Variants in RASGRP3 observed in about 807,000 individuals in gnomAD.
RASGRP3 encodes the protein ras guanyl-releasing protein 3.
RASGRP3 carries 54 observed loss-of-function variants against 82.7 expected under a neutral mutation model. The observed-to-expected ratio is 0.65, with a 90% CI of 0.52 to 0.82. The LOEUF (loss-of-function observed/expected upper bound fraction) is 0.82, where lower values mean the gene tolerates loss of function less well. Ranked by LOEUF, RASGRP3 falls within the 40% of genes least tolerant of loss-of-function variation. The pLI is 0.00. For missense variants in RASGRP3, 861 were observed against 828.9 expected, an observed-to-expected ratio of 1.04 and a Z score of -0.48; for synonymous variants, 309 against 300.5, an observed-to-expected ratio of 1.03 and a Z score of -0.29.
intron 2 of RASGRP3, among the ~76,000 whole-genome samples, chr2:33,453,489 A>T (rs1360901363): frequency 6.6e-6 from 1 of 152,200 alleles, no homozygotes; most frequent in East Asian, 1.9e-4. Flanking sequence ...CTGTTAGCTG[A>T]GACTTCAGTT....
chr2:33,456,542 C>A (rs1666046436), intron 2 of RASGRP3, among the ~76,000 whole-genome samples: 1 of 152,226 alleles, frequency 6.6e-6, no homozygotes, highest in East Asian at 1.9e-4. Flanking sequence ...ACCTTAGGAA[C>A]TTTAAATTCT....
At chr2:33,525,536 GA>G (rs1672460397) in intron 9 of RASGRP3, among the ~76,000 whole-genome samples, 1 of 151,206 alleles carries the variant, frequency 6.6e-6, no homozygotes, top group Non-Finnish European at 1.5e-5. Context: ...AAAAGAAAAA[GA>G]AAAAAACTTC....
At chr2:33,453,615 T>C (rs1302948427) in intron 2 of RASGRP3, among the ~76,000 whole-genome samples, 1 of 152,218 alleles carries the variant, frequency 6.6e-6, no homozygotes, top group Non-Finnish European at 1.5e-5. Context: ...GCAAGGTTTT[T>C]TATGACCTTG....
rs1476895040 is a variant in RASGRP3 at position 33,522,105 on chromosome 2, A to G, written c.516+3A>G. 1.3e-6 allele frequency: 2 copies of G among 1,598,260 alleles called. No homozygotes were observed. Among genetic ancestry groups the G allele is most frequent in the Non-Finnish European group, 8.5e-7 (1 of 1,175,734 alleles). ...ATAAATCTTTTAGAAGGATCTCAGTAAGAAACTTGACATTTATTCTTCCAA... is the reference window on the plus strand; with the variant it reads ...ATAAATCTTTTAGAAGGATCTCAGTGAGAAACTTGACATTTATTCTTCCAA... On this transcript the variant is annotated splice_donor_region_variant and intron_variant, in intron 7 of 17. Coordinates refer to ENST00000403687, the MANE Select transcript of RASGRP3 (RefSeq NM_001139488.2).
At chr2:33,524,169 T>C in intron 8 of RASGRP3, 117 bp downstream of exon 8, 1 of 1,193,340 alleles carries the variant, frequency 8.4e-7, no homozygotes, top group African/African-American at 1.5e-5. Context: ...ACTAAACTAC[T>C]CGCTGATATC....
Position 33,524,437 on chromosome 2 carries a change from C to A in RASGRP3, c.696C>A (p.Leu232=). The A allele has an allele frequency of 5.0e-6, 8 of 1,584,424 alleles. No individual in the cohort carries two copies. The highest frequency in any genetic ancestry group is 6.0e-6 in the Non-Finnish European group (7 of 1,164,708). Residue 232 remains leucine, a synonymous_variant, in exon 9 of 18, where the codon CTC becomes CTA. Coordinates refer to ENST00000403687, the MANE Select transcript of RASGRP3 (RefSeq NM_001139488.2). The stretch of plus-strand genomic sequence containing the variant: ...TTGATGCATTTTTATTGCAGAAGCT[C>A]CTTCAGCTCAAAAATTTTAACACCC... ...ITKFINVAKK[L]LQLKNFNTLM... is the part of the protein sequence containing the mutation.
At chr2:33,453,606 C>T (rs1574234617) in intron 2 of RASGRP3, among the ~76,000 whole-genome samples, 1 of 152,110 alleles carries the variant, frequency 6.6e-6, no homozygotes, top group South Asian at 2.1e-4. Context: ...ATGAAAGATG[C>T]AAGGTTTTTT....
chr2:33,516,096 T>C (rs1671435528), intron 3 of RASGRP3, among the ~76,000 whole-genome samples: 2 of 152,304 alleles, frequency 1.3e-5, no homozygotes, highest in Admixed American at 1.3e-4. Context: ...AAGGAAATAC[T>C]AGCCGAAGTA....
At chr2:33,453,082 C>T (rs1395934020) in intron 2 of RASGRP3, among the ~76,000 whole-genome samples, 1 of 152,218 alleles carries the variant, frequency 6.6e-6, no homozygotes, top group Non-Finnish European at 1.5e-5. Flanking sequence ...AGTAATATGA[C>T]ACTCTTTCTC....
chr2:33,508,785 A>G (rs1017204773), intron 1 of RASGRP3, among the ~76,000 whole-genome samples: 1 of 152,034 alleles, frequency 6.6e-6, no homozygotes, highest in Non-Finnish European at 1.5e-5. Context: ...TTTGTTTTTT[A>G]TTGTTGTTGT....
intron 1 of RASGRP3, among the ~76,000 whole-genome samples, chr2:33,508,559 A>G (rs1670624641): frequency 6.6e-6 from 1 of 152,168 alleles, no homozygotes; most frequent in Non-Finnish European, 1.5e-5. Context: ...TTTTTATGGA[A>G]GGAAATCAAG....
At chr2:33,546,445 C>A (rs1354356740) in intron 13 of RASGRP3, among the ~76,000 whole-genome samples, 10 of 150,088 alleles carry the variant, frequency 6.7e-5, no homozygotes, top group Non-Finnish European at 1.0e-4. Flanking sequence ...AAAAGAAAGT[C>A]AAAAAATAAC....
At chr2:33,534,466 C>A in intron 11 of RASGRP3, 66 bp downstream of exon 11, 1 of 1,005,476 alleles carries the variant, frequency 9.9e-7, no homozygotes. Flanking sequence ...CAGTAATTGG[C>A]TATTACAATG....
chr2:33,452,724 G>T (rs1181458775), intron 2 of RASGRP3, among the ~76,000 whole-genome samples: 1 of 152,218 alleles, frequency 6.6e-6, no homozygotes, highest in Non-Finnish European at 1.5e-5. Context: ...TGTCTGCAGG[G>T]GTTGGCCTAG....
intron 1 of RASGRP3, among the ~76,000 whole-genome samples, chr2:33,437,036 T>C (rs1664961795): frequency 6.6e-6 from 1 of 152,168 alleles, no homozygotes; most frequent in African/African-American, 2.4e-5. Flanking sequence ...AAAAGTTATA[T>C]ATAAAATTTA....
intron 1 of RASGRP3, among the ~76,000 whole-genome samples, chr2:33,495,941 G>A (rs1355075686): frequency 6.6e-6 from 1 of 152,192 alleles, no homozygotes; most frequent in Non-Finnish European, 1.5e-5. Flanking sequence ...GCCTCATGGG[G>A]ATGCAGCCCT....
At chr2:33,513,337 T>C (rs899011943) in intron 2 of RASGRP3, among the ~76,000 whole-genome samples, 7 of 152,250 alleles carry the variant, frequency 4.6e-5, no homozygotes, top group African/African-American at 1.7e-4. Context: ...ACTGAACTAA[T>C]ACAACCATAC....
chr2:33,524,898 T>C (rs1371105217), intron 9 of RASGRP3, among the ~76,000 whole-genome samples: 1 of 151,622 alleles, frequency 6.6e-6, no homozygotes, highest in Non-Finnish European at 1.5e-5. Flanking sequence ...GCTAACGTGG[T>C]GAAACCCCGT....
In RASGRP3 at chr2:33,527,327, T is replaced by C. The variant is rs1460182800; in HGVS notation, c.998T>C (p.Leu333Pro). The C allele has an allele frequency of 3.7e-6, 6 of 1,613,732 alleles. No homozygotes were observed. Among genetic ancestry groups the C allele is most frequent in the Admixed American group, 1.7e-5 (1 of 59,998 alleles). The part of the protein sequence containing the change: ...NKVNIVKMHQ[L>P]SVTLSELVSL... ...GTGAACATTGTGAAAATGCACCAGC[T>C]CTCCGTTACCCTGAGTGAACTAGTC... The change falls in exon 10 of 18, where the codon CTC becomes CCC. Residue 333 changes from leucine to proline, a missense_variant. Leu to Pro is a moderately conservative substitution (Grantham distance 98, BLOSUM62 -3). Transcript: ENST00000403687.
Sources: allele counts gnomAD v4.1 joint callset (sites outside exome capture counted in the v4.1 genomes callset), GRCh38; gene constraint gnomAD v4.1.1; transcripts MANE v1.5; gene names NCBI Gene and HGNC (gene_info 2026-07-23, HGNC 2026-07-21).